Variants in DKK2 observed in about 807,000 individuals in gnomAD.
DKK2 encodes dickkopf Wnt signaling pathway inhibitor 2.
Under a neutral mutation model 28.1 loss-of-function variants are expected in DKK2, and 11 were observed. That is an observed-to-expected ratio of 0.39 (90% CI 0.25 to 0.65). DKK2 has a LOEUF of 0.65. Among genes scored for constraint, DKK2 ranks in the 30% least tolerant of loss-of-function variants. The pLI, the probability that DKK2 is intolerant of heterozygous loss-of-function variation, is 0.47. For missense variants in DKK2, 326 were observed against 335.5 expected, an observed-to-expected ratio of 0.97 and a Z score of 0.22; for synonymous variants, 135 against 126.5, an observed-to-expected ratio of 1.07 and a Z score of -0.45.
rs1724728214 is a variant in DKK2 at position 106,943,278 on chromosome 4, T to A, written c.223-17329A>T. 2.6e-5 allele frequency among the ~76,000 whole-genome samples: 4 copies of A among 152,098 alleles called. 1 individual carries two copies. In the South Asian group the frequency reaches 8.3e-4, roughly 31 times the overall value. ...TTCTTCGTCTGCCCTACCTATACTCTTTGAGTAAGGAAATCATCTTTCATT... is the reference window on the plus strand; with the variant it reads ...TTCTTCGTCTGCCCTACCTATACTCATTGAGTAAGGAAATCATCTTTCATT... On this transcript the variant is annotated intron_variant, in intron 1 of 3. Coordinates refer to ENST00000285311, the MANE Select transcript of DKK2 (RefSeq NM_014421.3).
Position 107,035,450 on chromosome 4 carries a change from C to G in DKK2, c.142G>C (p.Gly48Arg). 6.2e-7 allele frequency: 1 copy of G among 1,614,220 alleles called. No homozygotes were observed. Among genetic ancestry groups the G allele is most frequent in the Non-Finnish European group, 8.5e-7 (1 of 1,180,056 alleles). The change falls in exon 1 of 4, where the codon GGT becomes CGT. Residue 48 changes from glycine (G) to arginine (R), a missense_variant. Gly to Arg is a moderately radical substitution (Grantham distance 125). Transcript: ENST00000285311. ...CCCGCAGATCGATTGGCGGCCTGAC[C>G]AGGCGTCTCCCCGCCCAGAGAGGAC... The part of the protein sequence containing the change: ...IKSSLGGETP[G>R]QAANRSAGMY...
At chr4:106,939,697 G>C (rs1724662381) in intron 1 of DKK2, among the ~76,000 whole-genome samples, 1 of 152,134 alleles carries the variant, frequency 6.6e-6, no homozygotes, top group Non-Finnish European at 1.5e-5. Context: ...CACACTACCT[G>C]ACTTCAAACT....
chr4:107,008,134 A>G (rs901920415), intron 1 of DKK2, among the ~76,000 whole-genome samples: 1 of 152,146 alleles, frequency 6.6e-6, no homozygotes, highest in Non-Finnish European at 1.5e-5. Context: ...AAAACCCATG[A>G]AGGCCACGTA....
intron 1 of DKK2, among the ~76,000 whole-genome samples, chr4:107,024,116 G>A (rs956355284): frequency 5.0e-4 from 76 of 152,118 alleles, no homozygotes; most frequent in African/African-American, 1.8e-3. Flanking sequence ...TCTGAACTTT[G>A]TCTATTCTGA....
intron 1 of DKK2, among the ~76,000 whole-genome samples, chr4:106,978,430 T>C (rs911520795): frequency 2.0e-5 from 3 of 152,148 alleles, no homozygotes; most frequent in Admixed American, 1.3e-4. Context: ...CTTTCATAGT[T>C]GCCCTGCCCA....
chr4:106,930,605 G>C (rs2110340160), intron 1 of DKK2, among the ~76,000 whole-genome samples: 1 of 152,256 alleles, frequency 6.6e-6, no homozygotes, highest in East Asian at 1.9e-4. Flanking sequence ...TGTTCATGTG[G>C]GATGGCCACC....
intron 1 of DKK2, among the ~76,000 whole-genome samples, chr4:107,026,321 C>T (rs559639198): frequency 6.6e-6 from 1 of 152,050 alleles, no homozygotes; most frequent in African/African-American, 2.4e-5. Context: ...GTTTTTCACA[C>T]TGAAAATTAA....
chr4:106,935,217 C>T (rs28484782), intron 1 of DKK2, among the ~76,000 whole-genome samples: 3,989 of 152,292 alleles, frequency 0.026, 62 homozygotes, highest in Non-Finnish European at 0.036. Context: ...GTTCATCTCA[C>T]TAGGGAGTGC....
intron 1 of DKK2, among the ~76,000 whole-genome samples, chr4:106,991,242 A>T (rs1483531250): frequency 6.6e-6 from 1 of 152,164 alleles, no homozygotes; most frequent in Non-Finnish European, 1.5e-5. Context: ...CATTTTTGGA[A>T]TTGCCCAGGT....
intron 1 of DKK2, among the ~76,000 whole-genome samples, chr4:106,952,830 T>G (rs1560578677): frequency 6.6e-6 from 1 of 152,190 alleles, no homozygotes; most frequent in Admixed American, 6.6e-5. Flanking sequence ...GAGGCTGAAC[T>G]GGGAATCAGG....
At chr4:106,983,337 G>GAAGAAAGGAAAGA (rs1553923101) in intron 1 of DKK2, among the ~76,000 whole-genome samples, 12 of 120,430 alleles carry the variant, frequency 1.0e-4, no homozygotes, top group Non-Finnish European at 1.9e-4. Context: ...AGGAAGAAAG[G>GAAGAAAGGAAAGA]AAGAAAGAAA....
chr4:106,990,630 G>A (rs1723189579), intron 1 of DKK2, among the ~76,000 whole-genome samples: 1 of 152,138 alleles, frequency 6.6e-6, no homozygotes, highest in South Asian at 2.1e-4. Context: ...CTGACAATAT[G>A]ATGTCATTGA....
In DKK2 at chr4:106,922,770, T is replaced by G. The variant is rs1388032289; in HGVS notation, c.*1184A>C. On this transcript the variant is annotated 3_prime_UTR_variant, in exon 4 of 4. Transcript: ENST00000285311. ...TTCATCTGCATAGTAAATATTATGATAGCAAATCCCATGCAGATATTCATT... is the reference window on the plus strand; with the variant it reads ...TTCATCTGCATAGTAAATATTATGAGAGCAAATCCCATGCAGATATTCATT... 6.6e-6 allele frequency: 1 copy of G among 152,206 alleles called. No homozygotes were observed. The highest frequency in any genetic ancestry group is 1.5e-5 in the Non-Finnish European group (1 of 68,054). The allele number at this position is 152,206 out of a possible 1,614,324, so 9.4% of individuals were successfully genotyped here.
intron 1 of DKK2, among the ~76,000 whole-genome samples, chr4:106,966,959 C>G (rs189817894): frequency 3.6e-4 from 55 of 152,270 alleles, no homozygotes; most frequent in Admixed American, 9.2e-4. Flanking sequence ...CAAACCATAT[C>G]AATTTCCTTC....
intron 1 of DKK2, among the ~76,000 whole-genome samples, chr4:106,951,508 A>C (rs1724858779): frequency 6.6e-6 from 1 of 152,174 alleles, no homozygotes; most frequent in Non-Finnish European, 1.5e-5. Context: ...CAGCCATAAA[A>C]AAGAATGAAA....
chr4:106,994,269 T>C, intron 1 of DKK2, among the ~76,000 whole-genome samples: 1 of 152,220 alleles, frequency 6.6e-6, no homozygotes, highest in Non-Finnish European at 1.5e-5. Context: ...TTGCCTGCAA[T>C]GCTTGTTTAT....
At position 107,014,309 on chromosome 4, in the gene DKK2, T is replaced by C. The variant is rs1486318868; in HGVS notation, c.222+21061A>G. ...CACAATAGAATACTATTGAGCTATA[T>C]AAAGGAATGAAATCCTGTCATTTGC... is the stretch of plus-strand genomic sequence containing the variant. On this transcript the variant is annotated intron_variant, in intron 1 of 3. Transcript: ENST00000285311. 4.0e-5 allele frequency among the ~76,000 whole-genome samples: 6 copies of C among 151,444 alleles called. No homozygotes were observed. The East Asian group carries it at 1.2e-3, about 29-fold the overall frequency.
At chr4:106,940,053 G>T (rs1280371305) in intron 1 of DKK2, among the ~76,000 whole-genome samples, 1 of 152,222 alleles carries the variant, frequency 6.6e-6, no homozygotes, top group East Asian at 1.9e-4. Context: ...GCATGGGCAA[G>T]GACTTCATGT....
chr4:106,982,730 G>C (rs753881671), intron 1 of DKK2, among the ~76,000 whole-genome samples: 1 of 151,850 alleles, frequency 6.6e-6, no homozygotes, highest in Non-Finnish European at 1.5e-5. Flanking sequence ...AAGCAGAGGA[G>C]AGAGAGAGAG....
Sources: gnomAD v4.1 joint callset for allele counts (sites outside exome capture counted in the v4.1 genomes callset) on GRCh38, gnomAD v4.1.1 for gene constraint, MANE v1.5 for transcripts, NCBI Gene and HGNC (gene_info 2026-07-23, HGNC 2026-07-21) for gene names.